MESD: variants seen among roughly 807,000 people sequenced by gnomAD.
The protein encoded by MESD is LRP chaperone MESD.
Under a neutral mutation model 12.9 loss-of-function variants are expected in MESD, and 7 were observed. The observed-to-expected ratio is 0.54, with a 90% CI of 0.31 to 1.02. The LOEUF (loss-of-function observed/expected upper bound fraction) is 1.02, where lower values mean the gene tolerates loss of function less well. Ranked by LOEUF, MESD falls within the 50% of genes least tolerant of loss-of-function variation. The probability of loss-of-function intolerance (pLI) is 0.05; values close to 1 mark genes in which losing one functional copy is unlikely to be tolerated. For synonymous variants in MESD, 126 were observed against 115.6 expected (o/e 1.09, Z -0.58); for missense variants, 342 against 296.7 (o/e 1.15, Z -1.12).
intron 2 of MESD, 51 bp downstream of exon 2, chr15:80,981,899 A>C: frequency 8.0e-7 from 1 of 1,243,336 alleles, no homozygotes; most frequent in South Asian, 1.3e-5. Context: ...AATAATAAAG[A>C]AAAGACCGAG....
At chr15:80,953,007 T>C in intron 3 of MESD, 1 of 455,826 alleles carries the variant, frequency 2.2e-6, no homozygotes, top group Non-Finnish European at 4.4e-6. Flanking sequence ...TCAGGGAAGG[T>C]CAGTGAGTGG....
chr15:80,946,939 G>A (rs748682056), downstream of MESD: 4 of 1,514,688 alleles, frequency 2.6e-6, no homozygotes, highest in Admixed American at 6.7e-5. Flanking sequence ...CTCTCCCTCT[G>A]GTCTAATTGG....
chr15:80,963,751 C>CA (rs202141122), intron 3 of MESD, among the ~76,000 whole-genome samples: 2,156 of 152,126 alleles, frequency 0.014, 51 homozygotes, highest in African/African-American at 0.05. Context: ...TCAATAGATG[C>CA]AAAAAAGGCC....
chr15:80,962,204 A>C (rs1262810607), intron 3 of MESD, among the ~76,000 whole-genome samples: 1 of 152,260 alleles, frequency 6.6e-6, no homozygotes, highest in Admixed American at 6.5e-5. Flanking sequence ...GTCTCTGATA[A>C]GACAGACTTT....
intron 1 of MESD, among the ~76,000 whole-genome samples, chr15:80,983,624 C>T (rs1038996174): frequency 7.2e-5 from 11 of 152,080 alleles, no homozygotes; most frequent in African/African-American, 2.2e-4. Flanking sequence ...TTTAAAAGAG[C>T]GTGGGTTCCT....
rs1364989539 is a variant in MESD, at chr15:80,977,550, CTTAA to C, written c.*1665_*1668del. The C allele has an allele frequency of 6.6e-6, 1 of 152,252 alleles. No individual in the cohort carries two copies. The highest frequency in any genetic ancestry group is 1.5e-5 in the Non-Finnish European group (1 of 68,076). The allele number at this position is 152,252 out of a possible 1,614,324, so 9.4% of individuals were successfully genotyped here. On this transcript the variant is annotated 3_prime_UTR_variant, in exon 3 of 3. Coordinates refer to ENST00000261758, the MANE Select transcript of MESD (RefSeq NM_015154.3). ...GGAGTGAAAGCTTTGCTACCTTTTG[CTTAA>C]TTAAAGCAATTATCTCATCAAAACA... is the stretch of plus-strand genomic sequence containing the variant.
At chr15:80,981,879 A>C (rs1162250325) in intron 2 of MESD, 71 bp downstream of exon 2, 26 of 1,074,910 alleles carry the variant, frequency 2.4e-5, no homozygotes, top group Non-Finnish European at 3.3e-5. Flanking sequence ...TCATCATCAT[A>C]ATTAATAATA....
downstream of MESD, among the ~76,000 whole-genome samples, chr15:80,972,675 G>A (rs1596231290): frequency 1.3e-5 from 2 of 152,176 alleles, no homozygotes; most frequent in African/African-American, 2.4e-5. Flanking sequence ...AAGAGGACGG[G>A]AATATTACAC....
chr15:80,960,133 G>A (rs1902059410), intron 3 of MESD, among the ~76,000 whole-genome samples: 1 of 152,186 alleles, frequency 6.6e-6, no homozygotes, highest in Non-Finnish European at 1.5e-5. Flanking sequence ...GGAGGCCAAG[G>A]TGGGCAGATC....
chr15:80,979,285 T>G lies in MESD; in HGVS notation c.639A>C (p.Glu213Asp). ...TKQDKGKKKKEGDLKSRSSKE... is the reference protein window; with the variant it reads ...TKQDKGKKKKDGDLKSRSSKE... The stretch of plus-strand genomic sequence containing the variant: ...TGGAAGACCGAGATTTCAGATCTCC[T>G]TCCTTCTTTTTTTTGCCCTTGTCTT... The change falls in exon 3 of 3, where the codon GAA becomes GAC. Residue 213 changes from glutamate to aspartate, a missense_variant. Transcript: ENST00000261758. The G allele has an allele frequency of 7.4e-6, 12 of 1,614,080 alleles. No individual in the cohort carries two copies. The highest frequency in any genetic ancestry group is 1.0e-5 in the Non-Finnish European group (12 of 1,180,030).
rs1293650238 is a variant in MESD at position 80,979,241 on chromosome 15, C to G, written c.683G>C (p.Gly228Ala). The G allele has an allele frequency of 3.1e-6, 5 of 1,613,690 alleles. No homozygotes were observed. In the South Asian group the frequency reaches 5.5e-5, roughly 18 times the overall value. The stretch of plus-strand genomic sequence containing the variant: ...CCATCACAGGTCTTCTCTTTTATTC[C>G]CAGCTCGATTTTCTTCCTTGGAAGA... ...SRSSKEENRA[G>A]NKREDL Residue 228 changes from glycine to alanine, a missense_variant, in exon 3 of 3, where the codon GGG (glycine) becomes GCG (alanine). Gly to Ala is a moderately conservative substitution (Grantham distance 60, BLOSUM62 0). Transcript: ENST00000261758.
intron 3 of MESD, among the ~76,000 whole-genome samples, chr15:80,969,377 T>G (rs1212705726): frequency 6.6e-6 from 1 of 152,148 alleles, no homozygotes; most frequent in East Asian, 1.9e-4. Flanking sequence ...TGCCTTGCTA[T>G]CTTTATCTCC....
intron 3 of MESD, among the ~76,000 whole-genome samples, chr15:80,964,750 A>T (rs1223311467): frequency 6.6e-6 from 1 of 152,254 alleles, no homozygotes; most frequent in Non-Finnish European, 1.5e-5. Flanking sequence ...CTGGCTAGCC[A>T]TATGTAGAAA....
downstream of MESD, chr15:80,946,936 T>G: frequency 1.3e-6 from 2 of 1,504,170 alleles, no homozygotes; most frequent in South Asian, 2.3e-5. Flanking sequence ...GCTCTCTCCC[T>G]CTGGTCTAAT....
At chr15:80,953,095 G>A (rs1901882937) in intron 3 of MESD, 1 of 455,952 alleles carries the variant, frequency 2.2e-6, no homozygotes, top group Non-Finnish European at 4.4e-6. Context: ...TCTGACAGAG[G>A]GGCAGCTATC....
At chr15:80,962,878 A>G (rs984191727) in intron 3 of MESD, among the ~76,000 whole-genome samples, 3 of 152,232 alleles carry the variant, frequency 2.0e-5, no homozygotes, top group Admixed American at 6.5e-5. Context: ...CCCATAAAAG[A>G]AAGCAGGAAA....
At chr15:80,956,051 G>A (rs967950370) in intron 3 of MESD, among the ~76,000 whole-genome samples, 3 of 152,052 alleles carry the variant, frequency 2.0e-5, no homozygotes, top group East Asian at 1.9e-4. Flanking sequence ...TTACCCAGGC[G>A]TGATGGCTCA....
chr15:80,954,357 C>CCGACCCTAG (rs767411893), intron 3 of MESD, among the ~76,000 whole-genome samples: 5 of 151,806 alleles, frequency 3.3e-5, no homozygotes, highest in Non-Finnish European at 7.3e-5. Flanking sequence ...GGCATAAAAG[C>CCGACCCTAG]CGACCCTAGC....
chr15:80,984,416 G>C (rs569821803), intron 1 of MESD, among the ~76,000 whole-genome samples: 21 of 151,342 alleles, frequency 1.4e-4, no homozygotes, highest in Admixed American at 3.3e-4. Flanking sequence ...CTACCAAAAA[G>C]AAAAAGAAAA....
Sources: allele counts gnomAD v4.1 joint callset (sites outside exome capture counted in the v4.1 genomes callset), GRCh38; gene constraint gnomAD v4.1.1; transcripts MANE v1.5; gene names NCBI Gene and HGNC (gene_info 2026-07-23, HGNC 2026-07-21).